Variants in TANK observed in about 807,000 individuals in gnomAD.
The protein encoded by TANK is TRAF family member associated NFKB activator.
Under a neutral mutation model 43.6 loss-of-function variants are expected in TANK, and 15 were observed. The observed-to-expected ratio is 0.34, with a 90% CI of 0.23 to 0.53. TANK has a LOEUF of 0.53. TANK is among the 20% of genes least tolerant of loss of function. The pLI, the probability that TANK is intolerant of heterozygous loss-of-function variation, is 0.94. For synonymous variants in TANK, 162 were observed against 178.2 expected (o/e 0.91, Z 0.73); for missense variants, 417 against 498.6 (o/e 0.84, Z 1.56).
At chr2:161,195,640 A>AGG (rs1293712022) in intron 2 of TANK, among the ~76,000 whole-genome samples, 1 of 152,094 alleles carries the variant, frequency 6.6e-6, no homozygotes, top group East Asian at 1.9e-4. Flanking sequence ...TTGGGGGACA[A>AGG]GGGTGAGGGG....
chr2:161,227,533 G>A (rs1268653026), intron 6 of TANK, among the ~76,000 whole-genome samples: 4 of 152,168 alleles, frequency 2.6e-5, no homozygotes, highest in Non-Finnish European at 1.5e-5. Context: ...GTAAAGTGGG[G>A]ATAATAATAG....
intron 4 of TANK, among the ~76,000 whole-genome samples, chr2:161,205,146 G>C (rs1686590740): frequency 6.6e-6 from 1 of 152,076 alleles, no homozygotes; most frequent in South Asian, 2.1e-4. Context: ...GCAACATAGG[G>C]GGATCCCTAT....
At chr2:161,206,570 C>A (rs1367167725) in intron 4 of TANK, among the ~76,000 whole-genome samples, 1 of 152,050 alleles carries the variant, frequency 6.6e-6, no homozygotes, top group Non-Finnish European at 1.5e-5. Flanking sequence ...CCCCTTAGTA[C>A]ATATATTTTT....
intron 1 of TANK, among the ~76,000 whole-genome samples, chr2:161,168,039 A>G (rs904200708): frequency 1.3e-4 from 20 of 152,114 alleles, no homozygotes; most frequent in African/African-American, 4.8e-4. Context: ...ACATTGTTGA[A>G]CTATAGGGCA....
At chr2:161,153,371 T>C (rs1684131126) in intron 1 of TANK, among the ~76,000 whole-genome samples, 2 of 152,060 alleles carry the variant, frequency 1.3e-5, no homozygotes, top group Non-Finnish European at 2.9e-5. Context: ...TTTTAAGTGA[T>C]AATTATGACT....
chr2:161,174,809 T>A (rs1685107252), intron 1 of TANK, among the ~76,000 whole-genome samples: 1 of 152,186 alleles, frequency 6.6e-6, no homozygotes, highest in Non-Finnish European at 1.5e-5. Flanking sequence ...GTTTGCATGG[T>A]TGTCCTGATC....
rs201255345 is a variant in TANK at position 161,213,694 on chromosome 2, ATT to A, written c.327+8914_327+8915del. Among the ~76,000 whole-genome samples the A allele has an allele frequency of 1.2e-3, 107 of 92,936 alleles. 2 individuals carry two copies. The highest frequency in any genetic ancestry group is 3.6e-3 in the East Asian group (13 of 3,650). The allele number at this position is 92,936 out of a possible 152,430, so 61.0% of individuals were successfully genotyped here. On this transcript the variant is annotated intron_variant, in intron 4 of 7. Transcript: ENST00000392749. Reference sequence around the variant, plus strand: ...ATGCTTCTACATTCAACCTGCTGTTATTTTTTTTTTTTTTGGTTGAATTGTAT... The same window carrying A: ...ATGCTTCTACATTCAACCTGCTGTTATTTTTTTTTTTTGGTTGAATTGTAT...
intron 2 of TANK, among the ~76,000 whole-genome samples, chr2:161,190,914 T>C (rs1685886229): frequency 6.6e-6 from 1 of 152,176 alleles, no homozygotes; most frequent in Admixed American, 6.5e-5. Context: ...ATTTTTTATT[T>C]GATATATATT....
At chr2:161,222,644 A>T (rs1310123965) in intron 4 of TANK, 1 of 152,110 alleles carries the variant, frequency 6.6e-6, no homozygotes, top group African/African-American at 2.4e-5. Flanking sequence ...TTCTGATGTG[A>T]CTGCCTTATA....
intron 1 of TANK, among the ~76,000 whole-genome samples, chr2:161,178,788 C>G (rs1685289139): frequency 6.6e-6 from 1 of 151,948 alleles, no homozygotes; most frequent in African/African-American, 2.4e-5. Flanking sequence ...ACTCGGTACC[C>G]AATATAACTG....
intron 5 of TANK, 120 bp from the exon 6 acceptor site, chr2:161,224,511 T>A (rs1664501352): frequency 2.3e-6 from 1 of 436,040 alleles, no homozygotes; most frequent in Non-Finnish European, 4.1e-6. Flanking sequence ...TTTAAAATAA[T>A]TTTTTTTTAC....
chr2:161,206,127 T>A (rs986184440), intron 4 of TANK, among the ~76,000 whole-genome samples: 1 of 152,128 alleles, frequency 6.6e-6, no homozygotes, highest in Non-Finnish European at 1.5e-5. Context: ...TCAGCAGTTA[T>A]ATCTGCAACT....
intron 1 of TANK, among the ~76,000 whole-genome samples, chr2:161,165,919 T>C (rs1246114876): frequency 3.3e-5 from 5 of 152,234 alleles, no homozygotes; most frequent in African/African-American, 4.8e-5. Context: ...TTTGGTGTTA[T>C]ACTGTTTAGT....
At chr2:161,206,475 A>G (rs913908309) in intron 4 of TANK, among the ~76,000 whole-genome samples, 2 of 152,172 alleles carry the variant, frequency 1.3e-5, no homozygotes, top group African/African-American at 2.4e-5. Context: ...AGACTATCTT[A>G]CTATTTAACA....
chr2:161,234,928 T>C (rs1688107057), intron 7 of TANK, among the ~76,000 whole-genome samples: 1 of 152,234 alleles, frequency 6.6e-6, no homozygotes, highest in Non-Finnish European at 1.5e-5. Context: ...ACACACATCA[T>C]GTCTTGTGTA....
intron 4 of TANK, 78 bp downstream of exon 4, chr2:161,204,871 G>A: frequency 2.6e-6 from 4 of 1,557,486 alleles, no homozygotes; most frequent in Admixed American, 2.2e-5. Flanking sequence ...TTTCTGAAGT[G>A]ATCTGCTGGA....
intron 1 of TANK, among the ~76,000 whole-genome samples, chr2:161,166,550 G>A (rs1383440368): frequency 6.6e-6 from 1 of 152,154 alleles, no homozygotes; most frequent in Non-Finnish European, 1.5e-5. Context: ...ATGTCGTGTT[G>A]TTGACTGATT....
At chr2:161,222,760 A>G (rs906958304) in intron 4 of TANK, 2 of 152,120 alleles carry the variant, frequency 1.3e-5, no homozygotes, top group African/African-American at 4.8e-5. Flanking sequence ...CAGTCTGACA[A>G]TATAATGTAT....
At chr2:161,214,895 A>C (rs576941482) in intron 4 of TANK, among the ~76,000 whole-genome samples, 1 of 152,334 alleles carries the variant, frequency 6.6e-6, no homozygotes, top group African/African-American at 2.4e-5. Flanking sequence ...GATGATGCTT[A>C]TACATGCAAT....
Sources: gnomAD v4.1 joint callset for allele counts (sites outside exome capture counted in the v4.1 genomes callset) on GRCh38, gnomAD v4.1.1 for gene constraint, MANE v1.5 for transcripts, NCBI Gene and HGNC (gene_info 2026-07-23, HGNC 2026-07-21) for gene names.